Variants in TSPAN18 observed in about 807,000 individuals in gnomAD.
TSPAN18 encodes tetraspanin-18.
Under a neutral mutation model 27.3 loss-of-function variants are expected in TSPAN18, and 14 were observed. That is an observed-to-expected ratio of 0.51 (90% CI 0.34 to 0.80). The LOEUF is 0.80. Among genes scored for constraint, TSPAN18 ranks in the 30% least tolerant of loss-of-function variants. The pLI, the probability that TSPAN18 is intolerant of heterozygous loss-of-function variation, is 0.01. For synonymous variants in TSPAN18, 143 were observed against 136.5 expected, an observed-to-expected ratio of 1.05 and a Z score of -0.33; for missense variants, 268 against 323.9, an observed-to-expected ratio of 0.83 and a Z score of 1.32.
intron 2 of TSPAN18, among the ~76,000 whole-genome samples, chr11:44,855,611 C>G (rs1382510257): frequency 2.6e-5 from 4 of 152,090 alleles, no homozygotes; most frequent in African/African-American, 4.8e-5. Flanking sequence ...AGTGGCAGAG[C>G]TGGGATGCAA....
At chr11:44,730,193 G>A (rs1054245433) in intron 1 of TSPAN18, among the ~76,000 whole-genome samples, 11 of 152,168 alleles carry the variant, frequency 7.2e-5, no homozygotes, top group African/African-American at 2.7e-4. Context: ...TGCCATCAGA[G>A]CTGAAGGACA....
intron 2 of TSPAN18, among the ~76,000 whole-genome samples, chr11:44,802,325 G>C (rs557750520): frequency 3.3e-5 from 5 of 151,996 alleles, no homozygotes; most frequent in African/African-American, 2.4e-5. Flanking sequence ...TGAGGTGGGT[G>C]GGGGGAGAGC....
intron 2 of TSPAN18, among the ~76,000 whole-genome samples, chr11:44,786,893 A>G (rs1258389988): frequency 6.6e-6 from 1 of 151,976 alleles, no homozygotes; most frequent in Non-Finnish European, 1.5e-5. Context: ...CGGCCTCCCA[A>G]AGTGCTAGGA....
At chr11:44,793,230 C>T (rs1384248843) in intron 2 of TSPAN18, among the ~76,000 whole-genome samples, 1 of 152,196 alleles carries the variant, frequency 6.6e-6, no homozygotes, top group Non-Finnish European at 1.5e-5. Context: ...GGCAAGGGAG[C>T]TGTGCTTTCC....
At chr11:44,904,513 G>C (rs570826650) in intron 3 of TSPAN18, among the ~76,000 whole-genome samples, 6 of 152,206 alleles carry the variant, frequency 3.9e-5, no homozygotes, top group African/African-American at 1.4e-4. Context: ...CGAGAGGAGG[G>C]ACGCAAGGCA....
At chr11:44,767,554 C>T (rs1855597179) in intron 2 of TSPAN18, among the ~76,000 whole-genome samples, 1 of 152,174 alleles carries the variant, frequency 6.6e-6, no homozygotes, top group Non-Finnish European at 1.5e-5. Flanking sequence ...TTTTTATCTC[C>T]CCTGCCCATA....
At chr11:44,784,328 T>C (rs540088244) in intron 2 of TSPAN18, among the ~76,000 whole-genome samples, 5 of 152,200 alleles carry the variant, frequency 3.3e-5, no homozygotes, top group African/African-American at 1.2e-4. Flanking sequence ...CATTTTTCTC[T>C]GGTGTGTACA....
At chr11:44,807,760 C>A (rs933862619) in intron 2 of TSPAN18, among the ~76,000 whole-genome samples, 16 of 152,156 alleles carry the variant, frequency 1.1e-4, no homozygotes, top group Non-Finnish European at 8.8e-5. Flanking sequence ...TCAGACAAGT[C>A]ACCTAATGCC....
Position 44,919,647 on chromosome 11 carries a change from G to T in TSPAN18, c.433-170G>T, listed in dbSNP as rs777022943. ...TGTTATAGAGATGAGGACACTGAAG[G>T]CCCAGAGAAGCTGAGTGGCTTTCCC... On this transcript the variant is annotated intron_variant, in intron 7 of 9. Coordinates refer to ENST00000520358, the MANE Select transcript of TSPAN18 (RefSeq NM_130783.5). The T allele has an allele frequency of 4.5e-5, 31 of 696,496 alleles. No individual in the cohort carries two copies. The East Asian group carries it at 7.0e-4, about 16-fold the overall frequency. The allele number at this position is 696,496 out of a possible 1,614,324, so 43.1% of individuals were successfully genotyped here.
chr11:44,796,442 G>A (rs1856351967), intron 2 of TSPAN18, among the ~76,000 whole-genome samples: 2 of 152,280 alleles, frequency 1.3e-5, no homozygotes, highest in South Asian at 2.1e-4. Context: ...TTCACACGGT[G>A]GAGATAAAAG....
intron 2 of TSPAN18, among the ~76,000 whole-genome samples, chr11:44,790,986 CTGGGGGCA>C (rs1856204820): frequency 6.6e-6 from 1 of 152,146 alleles, no homozygotes; most frequent in Non-Finnish European, 1.5e-5. Context: ...CCCTCTTCTC[CTGGGGGCA>C]TCAGTGCAGA....
intron 3 of TSPAN18, among the ~76,000 whole-genome samples, chr11:44,881,484 C>A (rs1448586779): frequency 2.6e-5 from 4 of 152,190 alleles, no homozygotes; most frequent in Non-Finnish European, 5.9e-5. Flanking sequence ...CTCCAACATC[C>A]CTATTTCCGA....
chr11:44,726,963 G>C lies in TSPAN18; in HGVS notation c.-564G>C, dbSNP rs1398116373. The C allele has an allele frequency of 1.8e-5, 2 of 109,420 alleles. No individual in the cohort carries two copies. Among genetic ancestry groups the C allele is most frequent in the African/African-American group, 5.7e-5 (2 of 34,852 alleles). 6.8% of individuals were successfully genotyped at this position (109,420 alleles called of 1,614,324 possible). A position where few individuals can be genotyped will look rare whatever the true frequency, so the allele number is the denominator to read the frequency against. The stretch of plus-strand genomic sequence containing the variant: ...GGGCCGGCGGGCTGGCGGGCGTGCA[G>C]CTGCCGCCGGCGTCGCGGGGCTCCA... On this transcript the variant is annotated 5_prime_UTR_variant, in exon 1 of 10. Transcript: ENST00000520358.
chr11:44,923,876 A>T (rs1243372166), intron 8 of TSPAN18, among the ~76,000 whole-genome samples: 1 of 152,104 alleles, frequency 6.6e-6, no homozygotes, highest in Non-Finnish European at 1.5e-5. Flanking sequence ...CCATTGGGCA[A>T]CCTGGGCTGC....
intron 8 of TSPAN18, among the ~76,000 whole-genome samples, chr11:44,923,357 A>G (rs975501381): frequency 2.6e-5 from 4 of 152,176 alleles, no homozygotes; most frequent in Non-Finnish European, 5.9e-5. Flanking sequence ...TGGCACTGGC[A>G]ACAGCCCACA....
At chr11:44,744,302 G>A (rs1338354442) in intron 1 of TSPAN18, among the ~76,000 whole-genome samples, 1 of 152,194 alleles carries the variant, frequency 6.6e-6, no homozygotes, top group African/African-American at 2.4e-5. Context: ...GGGAACATCT[G>A]CTCTGGACTG....
chr11:44,731,944 A>G (rs1171964379), intron 1 of TSPAN18, among the ~76,000 whole-genome samples: 1 of 152,214 alleles, frequency 6.6e-6, no homozygotes, highest in Non-Finnish European at 1.5e-5. Context: ...GTTTAAGCTG[A>G]TCAGCCTCTC....
At chr11:44,862,565 T>C (rs1966864) in intron 3 of TSPAN18, among the ~76,000 whole-genome samples, 55,479 of 152,098 alleles carry the variant, frequency 0.36, 11,920 homozygotes, top group African/African-American at 0.6. Flanking sequence ...TGAGTGCCTA[T>C]CATGTGCCAG....
In TSPAN18 at chr11:44,919,195, C is replaced by A. The variant is rs73456426; in HGVS notation, c.334-19C>A. The A allele has an allele frequency of 7.4e-3, 11,985 of 1,608,874 alleles. 860 individuals carry two copies. The African/African-American group carries it at 0.14, about 19-fold the overall frequency. On this transcript the variant is annotated intron_variant, in intron 6 of 9. Coordinates refer to ENST00000520358, the MANE Select transcript of TSPAN18 (RefSeq NM_130783.5). Reference sequence around the variant, plus strand: ...ACCCAACTGCCAGGCCTAAGCCCATCTTCTCCCTCTGCCCCCAGCTCACCC... The same window carrying A: ...ACCCAACTGCCAGGCCTAAGCCCATATTCTCCCTCTGCCCCCAGCTCACCC...
Sources: allele counts gnomAD v4.1 joint callset (sites outside exome capture counted in the v4.1 genomes callset), GRCh38; gene constraint gnomAD v4.1.1; transcripts MANE v1.5; gene names NCBI Gene and HGNC (gene_info 2026-07-23, HGNC 2026-07-21).